CTNND2: variants seen among roughly 807,000 people sequenced by gnomAD.
The protein encoded by CTNND2 is catenin delta-2.
A neutral mutation model predicts 144.4 loss-of-function variants in CTNND2; 22 were observed. The ratio of observed to expected loss-of-function variants is 0.15; its 90% confidence interval spans 0.11 to 0.22. The LOEUF is 0.22. Ranked by LOEUF, CTNND2 falls within the 10% of genes least tolerant of loss-of-function variation. The pLI, the probability that CTNND2 is intolerant of heterozygous loss-of-function variation, is 1.00. For synonymous variants in CTNND2, 751 were observed against 695.6 expected, an observed-to-expected ratio of 1.08 and a Z score of -1.25; for missense variants, 1,353 against 1,618.8, an observed-to-expected ratio of 0.84 and a Z score of 2.82.
chr5:10,993,199 G>T (rs1190815407), intron 18 of CTNND2, among the ~76,000 whole-genome samples: 1 of 152,060 alleles, frequency 6.6e-6, no homozygotes, highest in Admixed American at 6.5e-5. Flanking sequence ...CTCCAAGCTG[G>T]TCTGCTCCAG....
intron 9 of CTNND2, among the ~76,000 whole-genome samples, chr5:11,239,827 G>A (rs1017406802): frequency 1.3e-5 from 2 of 152,084 alleles, no homozygotes; most frequent in East Asian, 1.9e-4. Context: ...TCCTACCCAC[G>A]CAATGCCCAG....
intron 2 of CTNND2, among the ~76,000 whole-genome samples, chr5:11,684,425 G>T (rs923311665): frequency 6.6e-6 from 1 of 151,920 alleles, no homozygotes; most frequent in African/African-American, 2.4e-5. Context: ...TAATAGAAGA[G>T]AAATAGTGTA....
intron 8 of CTNND2, among the ~76,000 whole-genome samples, chr5:11,353,390 T>C (rs971390140): frequency 6.6e-6 from 1 of 152,206 alleles, no homozygotes; most frequent in African/African-American, 2.4e-5. Context: ...GCCTGGTTAA[T>C]AAAACCTACA....
intron 2 of CTNND2, among the ~76,000 whole-genome samples, chr5:11,656,954 G>C (rs889595258): frequency 6.6e-6 from 1 of 152,092 alleles, no homozygotes; most frequent in African/African-American, 2.4e-5. Flanking sequence ...AACGCTCTAA[G>C]GGCTTTGAGT....
intron 1 of CTNND2, among the ~76,000 whole-genome samples, chr5:11,847,555 T>C (rs1004377084): frequency 6.6e-6 from 1 of 152,028 alleles, no homozygotes; most frequent in Admixed American, 6.6e-5. Flanking sequence ...ATAAGTGTTG[T>C]GTTCTGTTGC....
intron 12 of CTNND2, among the ~76,000 whole-genome samples, chr5:11,150,264 C>A (rs183837977): frequency 6.6e-6 from 1 of 152,148 alleles, no homozygotes; most frequent in African/African-American, 2.4e-5. Flanking sequence ...GCCTCCACCG[C>A]CCCCGCCTAC....
intron 3 of CTNND2, among the ~76,000 whole-genome samples, chr5:11,508,016 G>T (rs1000902390): frequency 1.6e-4 from 24 of 151,098 alleles, no homozygotes; most frequent in African/African-American, 5.6e-4. Context: ...GGCATTAGCT[G>T]CAGAGAAAAG....
intron 12 of CTNND2, among the ~76,000 whole-genome samples, chr5:11,124,219 C>T (rs112648320): frequency 0.015 from 2,220 of 152,202 alleles, 22 homozygotes; most frequent in Non-Finnish European, 0.023. Context: ...ACTGAACAGA[C>T]CTAATAGCTA....
At chr5:11,846,264 T>C (rs1794731367) in intron 1 of CTNND2, among the ~76,000 whole-genome samples, 1 of 152,088 alleles carries the variant, frequency 6.6e-6, no homozygotes, top group African/African-American at 2.4e-5. Context: ...GGCTGTCAGT[T>C]TGAGAAAAAT....
At chr5:11,633,719 T>C (rs758628967) in intron 2 of CTNND2, among the ~76,000 whole-genome samples, 37 of 148,174 alleles carry the variant, frequency 2.5e-4, no homozygotes, top group Non-Finnish European at 4.7e-4. Context: ...GAGTTTGCAG[T>C]AAGCCACAAA....
chr5:11,887,303 A>G (rs1331397736), intron 1 of CTNND2, among the ~76,000 whole-genome samples: 1 of 152,100 alleles, frequency 6.6e-6, no homozygotes, highest in Non-Finnish European at 1.5e-5. Flanking sequence ...CTTTTTAAAA[A>G]TAATTTTGAG....
chr5:11,559,214 C>T (rs1166063654), intron 3 of CTNND2, among the ~76,000 whole-genome samples: 1 of 152,114 alleles, frequency 6.6e-6, no homozygotes, highest in Non-Finnish European at 1.5e-5. Flanking sequence ...AGTCCCTTCC[C>T]TCCTTTCCAG....
intron 2 of CTNND2, among the ~76,000 whole-genome samples, chr5:11,715,916 A>T (rs1786324192): frequency 6.6e-6 from 1 of 152,250 alleles, no homozygotes; most frequent in African/African-American, 2.4e-5. Context: ...ACAATCAAGC[A>T]TTCTAGCTTT....
chr5:11,864,038 C>T (rs747879714), intron 1 of CTNND2, among the ~76,000 whole-genome samples: 1 of 152,100 alleles, frequency 6.6e-6, no homozygotes, highest in Non-Finnish European at 1.5e-5. Context: ...ATGAATTGAT[C>T]AGGATCACGA....
chr5:11,076,606 C>G (rs980093832), intron 16 of CTNND2, among the ~76,000 whole-genome samples: 2 of 152,218 alleles, frequency 1.3e-5, no homozygotes, highest in African/African-American at 2.4e-5. Context: ...ACACAAAGAT[C>G]TATCTATAGC....
At chr5:11,888,746 CTCT>C (rs1736743960) in intron 1 of CTNND2, among the ~76,000 whole-genome samples, 2 of 141,146 alleles carry the variant, frequency 1.4e-5, no homozygotes, top group Admixed American at 7.5e-5. Context: ...CTCAGAATGA[CTCT>C]TTTTTTTTTT....
intron 1 of CTNND2, among the ~76,000 whole-genome samples, chr5:11,818,556 C>T (rs751569325): frequency 2.6e-5 from 4 of 151,974 alleles, no homozygotes; most frequent in Admixed American, 6.6e-5. Flanking sequence ...TTAGTAGAGA[C>T]GCAGTTTCAC....
chr5:11,056,737 A>G (rs1345058060), intron 16 of CTNND2, among the ~76,000 whole-genome samples: 2 of 152,272 alleles, frequency 1.3e-5, no homozygotes, highest in Admixed American at 6.5e-5. Flanking sequence ...AAGCAGCTTC[A>G]TATGAATGGA....
At chr5:11,412,476 G>T (rs1761621026) in intron 3 of CTNND2, among the ~76,000 whole-genome samples, 1 of 152,030 alleles carries the variant, frequency 6.6e-6, no homozygotes, top group Non-Finnish European at 1.5e-5. Flanking sequence ...TTAGAGAGAT[G>T]AAATAAATCT....
Sources: allele counts gnomAD v4.1 joint callset (sites outside exome capture counted in the v4.1 genomes callset), GRCh38; gene constraint gnomAD v4.1.1; transcripts MANE v1.5; gene names NCBI Gene and HGNC (gene_info 2026-07-23, HGNC 2026-07-21).